PRKG1: variants seen among roughly 807,000 people sequenced by gnomAD.
The protein encoded by PRKG1 is cGMP-dependent protein kinase 1.
PRKG1 carries 35 observed loss-of-function variants against 88.1 expected under a neutral mutation model. That is an observed-to-expected ratio of 0.40 (90% CI 0.30 to 0.53). PRKG1 has a LOEUF of 0.53. Ranked by LOEUF, PRKG1 falls within the 20% of genes least tolerant of loss-of-function variation. The pLI is 0.59. For missense variants in PRKG1, 540 were observed against 839.8 expected, an observed-to-expected ratio of 0.64 and a Z score of 4.41; for synonymous variants, 303 against 292.5, an observed-to-expected ratio of 1.04 and a Z score of -0.37.
intron 2 of PRKG1, among the ~76,000 whole-genome samples, chr10:51,401,834 G>A (rs1837747780): frequency 6.6e-6 from 1 of 152,094 alleles, no homozygotes; most frequent in Admixed American, 6.6e-5. Flanking sequence ...TCTATATGGT[G>A]ATAAATTTTT....
intron 2 of PRKG1, among the ~76,000 whole-genome samples, chr10:51,447,926 A>T (rs1466306482): frequency 3.3e-5 from 5 of 152,080 alleles, no homozygotes; most frequent in Non-Finnish European, 7.4e-5. Flanking sequence ...CTTCTCATTA[A>T]TATGTATATG....
chr10:51,716,600 T>C (rs1003890375), intron 3 of PRKG1, among the ~76,000 whole-genome samples: 6 of 152,324 alleles, frequency 3.9e-5, no homozygotes, highest in African/African-American at 1.4e-4. Flanking sequence ...GGCTTAAGAT[T>C]GAATTAAAAC....
At chr10:52,191,306 G>GCAGGAA (rs1564510394) in intron 9 of PRKG1, among the ~76,000 whole-genome samples, 1 of 151,578 alleles carries the variant, frequency 6.6e-6, no homozygotes, top group African/African-American at 2.4e-5. Context: ...CACAGCAGGA[G>GCAGGAA]TGGCAGGAGC....
At chr10:52,001,502 T>G (rs1415244847) in intron 5 of PRKG1, among the ~76,000 whole-genome samples, 1 of 151,990 alleles carries the variant, frequency 6.6e-6, no homozygotes, top group Non-Finnish European at 1.5e-5. Flanking sequence ...CAGTCATACC[T>G]CAGTAAAACT....
chr10:52,085,309 T>G (rs1846884845), intron 7 of PRKG1, among the ~76,000 whole-genome samples: 1 of 149,118 alleles, frequency 6.7e-6, no homozygotes, highest in Non-Finnish European at 1.5e-5. Context: ...ATTTCTTCCT[T>G]TCAGAAGAAA....
At position 51,958,291 on chromosome 10, in the gene PRKG1, AAAAGACCTTAGAAC is replaced by A. The variant is rs373250069; in HGVS notation, c.762+50722_762+50735del. On this transcript the variant is annotated intron_variant, in intron 5 of 17. Transcript: ENST00000373980. ...TTCTTATGAAAAAACAAGTCAAGAA[AAAAGACCTTAGAAC>A]TTTTAGAGAATTTGTGATTGTAGAA... 5.6e-3 allele frequency among the ~76,000 whole-genome samples: 851 copies of A among 152,298 alleles called. 18 individuals are homozygous for A. Among genetic ancestry groups the A allele is most frequent in the South Asian group, 0.021 (101 of 4,826 alleles).
chr10:52,136,390 G>T (rs12413303), intron 8 of PRKG1, among the ~76,000 whole-genome samples: 1 of 151,680 alleles, frequency 6.6e-6, no homozygotes, highest in South Asian at 2.1e-4. Flanking sequence ...GATAAGGATC[G>T]TTGTGGGAAC....
chr10:51,992,594 A>T (rs1844341938), intron 5 of PRKG1, among the ~76,000 whole-genome samples: 1 of 151,978 alleles, frequency 6.6e-6, no homozygotes, highest in African/African-American at 2.4e-5. Flanking sequence ...TTCCCCAGCC[A>T]TGACTGTCTT....
intron 4 of PRKG1, among the ~76,000 whole-genome samples, chr10:51,837,681 A>G (rs1006264124): frequency 1.3e-5 from 2 of 152,056 alleles, no homozygotes; most frequent in African/African-American, 4.8e-5. Context: ...TTGTCTCTCC[A>G]GTAGCATTTA....
chr10:51,392,522 T>C (rs892968293), intron 2 of PRKG1, among the ~76,000 whole-genome samples: 2 of 152,102 alleles, frequency 1.3e-5, no homozygotes, highest in African/African-American at 4.8e-5. Flanking sequence ...AAGTCTCCCA[T>C]GTCTACTTCT....
intron 1 of PRKG1, among the ~76,000 whole-genome samples, chr10:51,141,717 CCT>C (rs889989162): frequency 1.3e-5 from 2 of 152,190 alleles, no homozygotes; most frequent in African/African-American, 2.4e-5. Context: ...CTTCCTACCC[CCT>C]CTGTCTCATG....
At chr10:52,203,955 T>A (rs1194351588) in intron 9 of PRKG1, among the ~76,000 whole-genome samples, 1 of 152,134 alleles carries the variant, frequency 6.6e-6, no homozygotes, top group African/African-American at 2.4e-5. Context: ...TACAGTTGGG[T>A]CTTGCTTCTG....
intron 3 of PRKG1, among the ~76,000 whole-genome samples, chr10:51,740,720 TC>T (rs376741277): frequency 3.2e-4 from 49 of 152,300 alleles, no homozygotes; most frequent in African/African-American, 1.1e-3. Context: ...CTCTAAGTGT[TC>T]CCTGGACCAC....
intron 3 of PRKG1, among the ~76,000 whole-genome samples, chr10:51,663,131 G>A (rs118045440): frequency 3.3e-5 from 5 of 152,088 alleles, no homozygotes; most frequent in East Asian, 1.9e-4. Context: ...CCAGAAAACC[G>A]CAATGAGAAA....
At chr10:51,109,818 G>C (rs918453446) in intron 1 of PRKG1, among the ~76,000 whole-genome samples, 1 of 151,996 alleles carries the variant, frequency 6.6e-6, no homozygotes, top group Non-Finnish European at 1.5e-5. Flanking sequence ...TAACAGACTG[G>C]GATAATGTTT....
chr10:51,019,574 A>C (rs866486854), intron 1 of PRKG1, among the ~76,000 whole-genome samples: 29 of 152,166 alleles, frequency 1.9e-4, no homozygotes, highest in African/African-American at 7.0e-4. Context: ...AAGCTTCAAA[A>C]CACTGGATTT....
intron 2 of PRKG1, among the ~76,000 whole-genome samples, chr10:51,334,036 C>T (rs774525862): frequency 2.0e-5 from 3 of 152,132 alleles, no homozygotes; most frequent in Middle Eastern, 3.4e-3. Context: ...ATGATAATGC[C>T]GAAACTCTTT....
At position 51,052,755 on chromosome 10, in the gene PRKG1, C is replaced by T. The variant is rs547091322; in HGVS notation, c.266+61111C>T. Among the ~76,000 whole-genome samples, 8 of 152,188 alleles carry T rather than the reference C, an allele frequency of 5.3e-5. No individual in the cohort carries two copies. In the South Asian group the frequency reaches 6.2e-4, roughly 12 times the overall value. On this transcript the variant is annotated intron_variant, in intron 1 of 17. Coordinates refer to the PRKG1 transcript ENST00000401604. ...TATGTTCAATGTAGAGGCTTTGCCC[C>T]GTGAGAAGAGATTTATCACCAAACC...
intron 7 of PRKG1, among the ~76,000 whole-genome samples, chr10:52,108,322 TATGA>T (rs1847473355): frequency 6.6e-6 from 1 of 152,212 alleles, no homozygotes; most frequent in Non-Finnish European, 1.5e-5. Context: ...TTTCAATCTG[TATGA>T]TAGTTAGTGA....
Sources: allele counts gnomAD v4.1 joint callset (sites outside exome capture counted in the v4.1 genomes callset), GRCh38; gene constraint gnomAD v4.1.1; transcripts MANE v1.5; gene names NCBI Gene and HGNC (gene_info 2026-07-23, HGNC 2026-07-21).